SSX7: variants seen among roughly 807,000 people sequenced by gnomAD.
The protein encoded by SSX7 is SSX family member 7.
Under a neutral mutation model 14.7 loss-of-function variants are expected in SSX7, and 15 were observed. The observed-to-expected ratio is 1.02, with a 90% confidence interval of 0.68 to 1.58. SSX7 has a LOEUF of 1.58. Ranked by LOEUF, SSX7 falls within the 40% of genes most tolerant of loss-of-function variation. The pLI is 0.00. For missense variants in SSX7, 178 were observed against 146.8 expected, an observed-to-expected ratio of 1.21 and a Z score of -1.10; for synonymous variants, 46 against 50.6, an observed-to-expected ratio of 0.91 and a Z score of 0.38.
chrX:52,647,614 G>A (rs1198945901), intron 6 of SSX7, among the ~76,000 whole-genome samples: 14 of 111,850 alleles, frequency 1.3e-4, no homozygotes, highest in African/African-American at 3.9e-4. Context: ...CATCAACACC[G>A]AGGCAAGACC....
intron 6 of SSX7, among the ~76,000 whole-genome samples, chrX:52,645,846 C>A (rs1925229444): frequency 9.0e-6 from 1 of 110,661 alleles, no homozygotes; most frequent in Admixed American, 9.7e-5. Context: ...ATTGAGGGCA[C>A]CGAGGCATAC....
chrX:52,653,593 G>C (rs1241149957), intron 1 of SSX7, 101 bp from the exon 2 acceptor site: 24 of 1,008,957 alleles, frequency 2.4e-5, no homozygotes, highest in Middle Eastern at 2.8e-4. Context: ...CTGGAATCAG[G>C]TGCTTCATTT....
intron 3 of SSX7, among the ~76,000 whole-genome samples, 178 bp from the exon 4 acceptor site, chrX:52,652,525 A>T (rs1287368211): frequency 9.2e-6 from 1 of 109,213 alleles, no homozygotes; most frequent in Non-Finnish European, 1.9e-5. Flanking sequence ...TGACAGACTG[A>T]GACTCAGACT....
chrX:52,650,512 G>A, intron 4 of SSX7, 110 bp from the exon 5 acceptor site: 2 of 861,632 alleles, frequency 2.3e-6, no homozygotes, highest in Non-Finnish European at 3.3e-6. Context: ...TCCACTCATT[G>A]TTGAGGAGTT....
intron 5 of SSX7, among the ~76,000 whole-genome samples, chrX:52,648,905 C>T (rs2146496075): frequency 8.9e-6 from 1 of 111,777 alleles, no homozygotes; most frequent in East Asian, 2.8e-4. Context: ...GCGAAGAAAG[C>T]AGTACCAGAT....
intron 4 of SSX7, among the ~76,000 whole-genome samples, chrX:52,651,769 G>A (rs1235776820): frequency 1.8e-5 from 2 of 111,482 alleles, no homozygotes; most frequent in African/African-American, 3.3e-5. Context: ...CAGCTACTCC[G>A]GAGGCTGAGG....
chrX:52,649,554 T>G (rs1925363072), intron 5 of SSX7, among the ~76,000 whole-genome samples: 1 of 111,525 alleles, frequency 9.0e-6, no homozygotes, highest in African/African-American at 3.3e-5. Flanking sequence ...ACTTGTGGGG[T>G]CACTCATTCA....
chrX:52,644,218 GTC>G lies in SSX7; in HGVS notation c.*455_*456del. The G allele has an allele frequency of 4.5e-5, 1 of 22,177 alleles. No individual in the cohort carries two copies. Among genetic ancestry groups the G allele is most frequent in the South Asian group, 2.9e-4 (1 of 3,416 alleles). The allele number at this position is 22,177 out of a possible 1,213,427, so 1.8% of individuals were successfully genotyped here. A position where few individuals can be genotyped will look rare whatever the true frequency, so the allele number is the denominator to read the frequency against. ...AGATGCTTATACTGGTACTTGGTGTGTCTGTGTGTGTGTGTGTCTGTGTGTGT... is the reference window on the plus strand; with the variant it reads ...AGATGCTTATACTGGTACTTGGTGTGTGTGTGTGTGTGTGTCTGTGTGTGT... On this transcript the variant is annotated 3_prime_UTR_variant, in exon 8 of 8. Coordinates refer to ENST00000298181, the MANE Select transcript of SSX7 (RefSeq NM_173358.2).
Position 52,644,554 on chromosome X carries a change from G to A in SSX7, c.*121C>T, listed in dbSNP as rs1466474347. On this transcript the variant is annotated 3_prime_UTR_variant, in exon 8 of 8. Coordinates refer to ENST00000298181, the MANE Select transcript of SSX7 (RefSeq NM_173358.2). ...ACGACGCTCAACTTTTCACTGTTGT[G>A]AACACTTGCTTTCACTTGCTATGCA... 2.8e-6 allele frequency: 3 copies of A among 1,085,090 alleles called. No homozygotes were observed. In the African/African-American group the frequency reaches 5.6e-5, roughly 20 times the overall value. The allele number at this position is 1,085,090 out of a possible 1,213,427, so 89.4% of individuals were successfully genotyped here.
Position 52,650,418 on chromosome X carries a change from T to A in SSX7, c.281-16A>T. On this transcript the variant is annotated splice_polypyrimidine_tract_variant and intron_variant, in intron 4 of 7. Transcript: ENST00000298181. ...GGACGTTCAACTGAAAGAGAATATATCAGAATTTTTCTTTGTTGGTAAAGA... is the reference window on the plus strand; with the variant it reads ...GGACGTTCAACTGAAAGAGAATATAACAGAATTTTTCTTTGTTGGTAAAGA... 8.3e-7 allele frequency: 1 copy of A among 1,204,739 alleles called. No individual in the cohort carries two copies. The highest frequency in any genetic ancestry group is 1.7e-5 in the African/African-American group (1 of 57,764).
intron 5 of SSX7, among the ~76,000 whole-genome samples, chrX:52,648,994 T>C (rs1925339210): frequency 9.0e-6 from 1 of 111,582 alleles, no homozygotes; most frequent in African/African-American, 3.3e-5. Context: ...TCTGGTTGCA[T>C]TGGGATGTGT....
chrX:52,652,087 A>G (rs1170551877), intron 4 of SSX7, among the ~76,000 whole-genome samples, 165 bp downstream of exon 4: 1 of 109,537 alleles, frequency 9.1e-6, no homozygotes, highest in Non-Finnish European at 1.9e-5. Flanking sequence ...TTAAAATTTT[A>G]TATGAATGGC....
intron 4 of SSX7, among the ~76,000 whole-genome samples, chrX:52,651,453 A>G (rs1218666231): frequency 1.8e-5 from 2 of 112,194 alleles, no homozygotes; most frequent in Non-Finnish European, 3.8e-5. Flanking sequence ...AGGAAGAACA[A>G]CATGTCATCT....
intron 4 of SSX7, among the ~76,000 whole-genome samples, chrX:52,651,926 T>A (rs1351862788): frequency 9.0e-6 from 1 of 111,111 alleles, no homozygotes; most frequent in Non-Finnish European, 1.9e-5. Flanking sequence ...GCTGAAGCTG[T>A]CTGTGCAGCA....
At chrX:52,652,122 A>G in intron 4 of SSX7, 130 bp downstream of exon 4, 2 of 509,056 alleles carry the variant, frequency 3.9e-6, no homozygotes, top group Non-Finnish European at 3.3e-6. Flanking sequence ...TTCTGCATGC[A>G]ATTTTTTTTT....
intron 5 of SSX7, among the ~76,000 whole-genome samples, chrX:52,649,861 A>T (rs1476159639): frequency 8.9e-6 from 1 of 112,331 alleles, no homozygotes; most frequent in African/African-American, 3.2e-5. Flanking sequence ...TCTGGATTAG[A>T]CTACCACTGC....
intron 1 of SSX7, among the ~76,000 whole-genome samples, chrX:52,653,870 G>C (rs1291275394): frequency 9.0e-6 from 1 of 110,797 alleles, no homozygotes; most frequent in Non-Finnish European, 1.9e-5. Flanking sequence ...CTGACACCCC[G>C]ACTCAATAAA....
chrX:52,644,657 T>C lies in SSX7; in HGVS notation c.*18A>G. On this transcript the variant is annotated 3_prime_UTR_variant, in exon 8 of 8. Coordinates refer to ENST00000298181, the MANE Select transcript of SSX7 (RefSeq NM_173358.2). Reference sequence around the variant, plus strand: ...TTCTGCTTCTCATCATGGGCATATGTCGTATCCCCGAGGCTGAGGCAAGAA... The same window carrying C: ...TTCTGCTTCTCATCATGGGCATATGCCGTATCCCCGAGGCTGAGGCAAGAA... 1 of 1,196,298 alleles carries C rather than the reference T, an allele frequency of 8.4e-7. No individual in the cohort carries two copies.
chrX:52,653,369 T>A lies in SSX7; in HGVS notation c.69+35A>T, dbSNP rs371470474. 228 of 1,208,836 alleles carry A rather than the reference T, an allele frequency of 1.9e-4. No homozygotes were observed. In the African/African-American group the frequency reaches 3.6e-3, roughly 19 times the overall value. ...AACTTGGCCACCCCACACTGTCCCC[T>A]GGGCCACTACTCTGCTCCCTCCAGG... On this transcript the variant is annotated intron_variant, in intron 2 of 7. Transcript: ENST00000298181.
Sources: gnomAD v4.1 joint callset for allele counts (sites outside exome capture counted in the v4.1 genomes callset) on GRCh38, gnomAD v4.1.1 for gene constraint, MANE v1.5 for transcripts, NCBI Gene and HGNC (gene_info 2026-07-23, HGNC 2026-07-21) for gene names.